OS9: variants seen among roughly 807,000 people sequenced by gnomAD.
OS9 encodes the protein protein OS-9.
In OS9, 58 loss-of-function variants were observed where a neutral mutation model predicts 84.7. The ratio of observed to expected loss-of-function variants is 0.68; its 90% CI spans 0.55 to 0.85. The LOEUF is 0.85. Among genes scored for constraint, OS9 ranks in the 40% least tolerant of loss-of-function variants. The pLI, the probability that OS9 is intolerant of heterozygous loss-of-function variation, is 0.00. For synonymous variants in OS9, 278 were observed against 320.8 expected (o/e 0.87, Z 1.43); for missense variants, 760 against 850.9 (o/e 0.89, Z 1.33).
intron 11 of OS9, 70 bp downstream of exon 11, chr12:57,718,491 C>G (rs1196126541): frequency 1.3e-6 from 2 of 1,518,708 alleles, no homozygotes; most frequent in Non-Finnish European, 1.8e-6. Context: ...GGCTGACGGG[C>G]TAAAAGAAAC....
rs757269293 is a variant in OS9, at chr12:57,720,263, G to T, written c.1765G>T (p.Gly589Trp). The T allele has an allele frequency of 6.2e-7, 1 of 1,613,720 alleles. No individual in the cohort carries two copies. The highest frequency in any genetic ancestry group is 1.3e-5 in the African/African-American group (1 of 74,966). The change falls in exon 13 of 15, where the codon GGG becomes TGG. Residue 589 changes from glycine (G) to tryptophan (W), a missense_variant and splice_region_variant. Coordinates refer to ENST00000315970, the MANE Select transcript of OS9 (RefSeq NM_006812.4). ...GGAGAGGGAGGGACTCACAGCTGCA[G>T]GTGGGCCCTGGAGGGCGGCTGGACC... ...LLEREGLTAA[G>W]KIEIKIVRPW...
intron 14 of OS9, 70 bp from the exon 15 acceptor site, chr12:57,720,714 C>A: frequency 6.5e-7 from 1 of 1,540,324 alleles, no homozygotes. Flanking sequence ...CTTCCCCCAG[C>A]TGCCTGGCCC....
rs1485408492 is a variant in OS9 at position 57,716,529 on chromosome 12, C to T, written c.993+17C>T. On this transcript the variant is annotated intron_variant, in intron 8 of 14. Transcript: ENST00000315970. ...CCGGCTGAGGTGAGACCAGCTGCCT[C>T]AGAGGAGCAGGATGGGGATGGGGAG... is the stretch of plus-strand genomic sequence containing the variant. 4.5e-6 allele frequency: 7 copies of T among 1,564,266 alleles called. No individual in the cohort carries two copies. The highest frequency in any genetic ancestry group is 6.1e-6 in the Non-Finnish European group (7 of 1,149,366).
chr12:57,694,322 A>G lies in OS9; in HGVS notation c.161A>G (p.Gln54Arg), dbSNP rs779415539. 5.6e-6 allele frequency: 9 copies of G among 1,614,090 alleles called. No homozygotes were observed. The highest frequency in any genetic ancestry group is 5.9e-6 in the Non-Finnish European group (7 of 1,179,976). The change falls in exon 1 of 15, where the codon CAG becomes CGG. Residue 54 changes from glutamine (Q) to arginine (R), a missense_variant and splice_region_variant. Transcript: ENST00000315970. ...EILPLPVMGG[Q>R]SQSSDVVIVS... is the part of the protein sequence containing the mutation. Reference sequence around the variant, plus strand: ...CTGCCGTTGCCTGTCATGGGAGGGCAGGTGAGAGGCGTATAAGGGGCGAGG... The same window carrying G: ...CTGCCGTTGCCTGTCATGGGAGGGCGGGTGAGAGGCGTATAAGGGGCGAGG...
intron 5 of OS9, among the ~76,000 whole-genome samples, chr12:57,699,429 A>C (rs769634208): frequency 6.6e-6 from 1 of 152,190 alleles, no homozygotes; most frequent in Admixed American, 6.5e-5. Context: ...CACTAAGAGC[A>C]TGGGAAGAAG....
intron 5 of OS9, among the ~76,000 whole-genome samples, chr12:57,710,892 T>C (rs1954305757): frequency 6.6e-6 from 1 of 151,492 alleles, no homozygotes; most frequent in East Asian, 1.9e-4. Context: ...ATACAAAAAT[T>C]ACAGGGTGTG....
At position 57,718,170 on chromosome 12, in the gene OS9, CA is replaced by C; in HGVS notation, c.1160del (p.Gln387ArgfsTer70). On this transcript the variant is annotated frameshift_variant, in exon 11 of 15. Coordinates refer to ENST00000315970, the MANE Select transcript of OS9 (RefSeq NM_006812.4). LOFTEE classifies it high-confidence loss of function. The stretch of plus-strand genomic sequence containing the variant: ...GGGGAAGCCAAATATAGGCCAAGAG[CA>C]GCCTGTGGATGATGCTGCAGAAGTC... The part of the protein sequence containing the change: ...KKGKPNIGQE[Q>X]PVDDAAEVPQ... The C allele has an allele frequency of 6.2e-7, 1 of 1,614,002 alleles. No individual in the cohort carries two copies. The highest frequency in any genetic ancestry group is 8.5e-7 in the Non-Finnish European group (1 of 1,179,940).
At chr12:57,695,452 T>G in intron 2 of OS9, 1 of 529,216 alleles carries the variant, frequency 1.9e-6, no homozygotes, top group Non-Finnish European at 3.5e-6. Flanking sequence ...TTTTGGGTTC[T>G]TCTATGTTTC....
chr12:57,719,748 G>A (rs907846735), intron 12 of OS9: 12 of 240,796 alleles, frequency 5.0e-5, no homozygotes, highest in African/African-American at 2.3e-4. Context: ...TGTCTTTAAA[G>A]TCCCAACATA....
At chr12:57,703,943 GT>G (rs796663287) in intron 5 of OS9, among the ~76,000 whole-genome samples, 1 of 152,188 alleles carries the variant, frequency 6.6e-6, no homozygotes, top group East Asian at 1.9e-4. Context: ...TTAACTGTGG[GT>G]TTTTCTTATA....
intron 5 of OS9, among the ~76,000 whole-genome samples, chr12:57,708,456 A>AT (rs1176533960): frequency 4.6e-5 from 7 of 151,858 alleles, no homozygotes; most frequent in Non-Finnish European, 1.0e-4. Flanking sequence ...ACGTAGTGAG[A>AT]TCCCATCTCT....
chr12:57,716,279 T>TGGGGGGGGGGGGGAGGGGGGGGGGGGGG, intron 7 of OS9, 86 bp downstream of exon 7: 1 of 508,620 alleles, frequency 2.0e-6, no homozygotes, highest in Non-Finnish European at 3.5e-6. Context: ...ACTGGTGGGG[T>TGGGGGGGGGGGGGAGGGGGGGGGGGGGG]GGGGGGGGGT....
At chr12:57,702,223 A>G (rs1954047338) in intron 5 of OS9, among the ~76,000 whole-genome samples, 1 of 152,182 alleles carries the variant, frequency 6.6e-6, no homozygotes, top group Non-Finnish European at 1.5e-5. Flanking sequence ...AACTTTTTTC[A>G]TCATCCCAAA....
chr12:57,694,333 G>T lies in OS9; in HGVS notation c.162+10G>T, dbSNP rs747727798. 27 of 1,613,754 alleles carry T rather than the reference G, an allele frequency of 1.7e-5. No homozygotes were observed. The Admixed American group carries it at 4.5e-4, about 27-fold the overall frequency. On this transcript the variant is annotated intron_variant, in intron 1 of 14. Coordinates refer to ENST00000315970, the MANE Select transcript of OS9 (RefSeq NM_006812.4). ...TGTCATGGGAGGGCAGGTGAGAGGC[G>T]TATAAGGGGCGAGGGTCTGGGCAGA...
chr12:57,698,550 A>G (rs1310794541), intron 5 of OS9, among the ~76,000 whole-genome samples: 1 of 152,260 alleles, frequency 6.6e-6, no homozygotes, highest in African/African-American at 2.4e-5. Flanking sequence ...GGGAGCACAC[A>G]GTCGGGACAG....
rs1230837855 is a variant in OS9, at chr12:57,694,152, G to C, written c.-10G>C. 4.3e-6 allele frequency: 7 copies of C among 1,614,022 alleles called. No individual in the cohort carries two copies. Among genetic ancestry groups the C allele is most frequent in the Middle Eastern group, 3.3e-4 (2 of 6,084 alleles). ...GAAACAGATTCTCTGCATAAGAAGG[G>C]GAACGAAAGATGGCGGCGGAAACGC... On this transcript the variant is annotated 5_prime_UTR_variant, in exon 1 of 15. Transcript: ENST00000315970.
In OS9 at chr12:57,712,874, T is replaced by A. The variant is rs181118016; in HGVS notation, c.580-2886T>A. Among the ~76,000 whole-genome samples, 12 of 151,996 alleles carry A rather than the reference T, an allele frequency of 7.9e-5. No homozygotes were observed. In the East Asian group the frequency reaches 1.7e-3, roughly 22 times the overall value. ...CAGTGGTTTCAGCAGGCTTTTTGAC[T>A]GTTTCTTTCATGAATTTGTTAAGCC... On this transcript the variant is annotated intron_variant, in intron 5 of 14. Transcript: ENST00000315970.
intron 5 of OS9, among the ~76,000 whole-genome samples, chr12:57,696,818 AC>A (rs1013779563): frequency 4.7e-5 from 7 of 149,380 alleles, no homozygotes; most frequent in African/African-American, 1.7e-4. Context: ...AAAAAAAAAA[AC>A]CCACATTATT....
intron 5 of OS9, among the ~76,000 whole-genome samples, chr12:57,707,513 T>C (rs998187581): frequency 4.6e-5 from 7 of 152,140 alleles, no homozygotes; most frequent in Non-Finnish European, 8.8e-5. Context: ...TCACTCACTG[T>C]CACGAGAAAG....
Sources: gnomAD v4.1 joint callset for allele counts (sites outside exome capture counted in the v4.1 genomes callset) on GRCh38, gnomAD v4.1.1 for gene constraint, MANE v1.5 for transcripts, NCBI Gene and HGNC (gene_info 2026-07-23, HGNC 2026-07-21) for gene names.